Variants in ADGB observed in about 807,000 individuals in gnomAD.
The protein encoded by ADGB is calpain-7-like protein.
In ADGB, 172 loss-of-function variants were observed where a neutral mutation model predicts 210.5. That is an observed-to-expected ratio of 0.82 (90% CI 0.72 to 0.93). The LOEUF (loss-of-function observed/expected upper bound fraction) is 0.93, where lower values mean the gene tolerates loss of function less well. Ranked by LOEUF, ADGB falls within the 40% of genes least tolerant of loss-of-function variation. ADGB has a pLI of 0.00. For synonymous variants in ADGB, 658 were observed against 662.7 expected, an observed-to-expected ratio of 0.99 and a Z score of 0.11; for missense variants, 2,025 against 1,964.8, an observed-to-expected ratio of 1.03 and a Z score of -0.58.
chr6:146,640,441 T>C (rs1775490298), intron 2 of ADGB, among the ~76,000 whole-genome samples: 1 of 151,946 alleles, frequency 6.6e-6, no homozygotes, highest in Non-Finnish European at 1.5e-5. Context: ...TAACAAAACC[T>C]GGCAGAGACA....
chr6:146,605,869 G>A (rs771647168), intron 1 of ADGB, among the ~76,000 whole-genome samples: 2 of 152,138 alleles, frequency 1.3e-5, no homozygotes, highest in Non-Finnish European at 2.9e-5. Flanking sequence ...ATTGTGAATA[G>A]TGCTACAATG....
Position 146,752,636 on chromosome 6 carries a change from G to A in ADGB, c.3472G>A (p.Val1158Met), listed in dbSNP as rs1777341154. The stretch of plus-strand genomic sequence containing the variant: ...GGTCCTAGAAAATGAAGAAACTATG[G>A]TGAGCTCCACTGGAAAAGGCCAAGC... ...LQVLENEETM[V>M]SSTGKGQAII... The change falls in exon 27 of 36, where the codon GTG becomes ATG. Residue 1158 changes from valine to methionine, a missense_variant. Transcript: ENST00000397944. 11 of 1,550,820 alleles carry A rather than the reference G, an allele frequency of 7.1e-6. No homozygotes were observed. Among genetic ancestry groups the A allele is most frequent in the Non-Finnish European group, 8.7e-6 (10 of 1,146,498 alleles).
chr6:146,764,177 T>G (rs1019882521), intron 28 of ADGB, 77 bp downstream of exon 28: 2 of 1,303,038 alleles, frequency 1.5e-6, no homozygotes, highest in Non-Finnish European at 2.1e-6. Flanking sequence ...TCCCTAAAAA[T>G]AGTCAATATA....
chr6:146,607,400 G>C (rs1274516097), intron 1 of ADGB, among the ~76,000 whole-genome samples: 1 of 152,120 alleles, frequency 6.6e-6, no homozygotes, highest in East Asian at 1.9e-4. Context: ...TTTCTTGCCT[G>C]ATTGCTCTGG....
At chr6:146,663,176 ATATATT>A (rs1775889373) in intron 5 of ADGB, among the ~76,000 whole-genome samples, 5 of 141,236 alleles carry the variant, frequency 3.5e-5, no homozygotes, top group African/African-American at 1.3e-4. Context: ...ATTATATATT[ATATATT>A]ATATATAATA....
chr6:146,715,143 T>C (rs966742759), intron 13 of ADGB, among the ~76,000 whole-genome samples: 2 of 152,236 alleles, frequency 1.3e-5, no homozygotes, highest in Admixed American at 1.3e-4. Flanking sequence ...ATTTAGTAAA[T>C]TAACATATTC....
At chr6:146,715,170 A>T (rs550248514) in intron 13 of ADGB, among the ~76,000 whole-genome samples, 1 of 152,342 alleles carries the variant, frequency 6.6e-6, no homozygotes, top group South Asian at 2.1e-4. Context: ...TTAATGTGAC[A>T]AGCTTAAATA....
chr6:146,726,945 C>A (rs768037799), intron 19 of ADGB, among the ~76,000 whole-genome samples: 38 of 151,970 alleles, frequency 2.5e-4, no homozygotes, highest in Non-Finnish European at 1.3e-4. Flanking sequence ...AAGGTTCTGT[C>A]TCTTCACCTT....
chr6:146,700,748 G>A (rs73589859), intron 12 of ADGB, among the ~76,000 whole-genome samples, 193 bp from the exon 13 acceptor site: 9,373 of 152,094 alleles, frequency 0.062, 934 homozygotes, highest in African/African-American at 0.21. Flanking sequence ...CTAATATACA[G>A]TATTTTTAGT....
intron 12 of ADGB, among the ~76,000 whole-genome samples, chr6:146,697,850 A>G (rs1364503107): frequency 6.6e-6 from 1 of 152,234 alleles, no homozygotes; most frequent in Non-Finnish European, 1.5e-5. Context: ...GACACATCAT[A>G]GTAAAGCCAA....
At chr6:146,803,312 C>T in intron 35 of ADGB, 1 of 1,607,952 alleles carries the variant, frequency 6.2e-7, no homozygotes, top group South Asian at 1.1e-5. Context: ...GGCTTTCTGT[C>T]TGTGAAGAAC....
rs549096216 is a variant in ADGB at position 146,675,431 on chromosome 6, C to T, written c.1088-882C>T. 4.0e-5 allele frequency among the ~76,000 whole-genome samples: 6 copies of T among 151,728 alleles called. No individual in the cohort carries two copies. In the East Asian group the frequency reaches 5.8e-4, roughly 15 times the overall value. On this transcript the variant is annotated intron_variant, in intron 8 of 35. Coordinates refer to ENST00000397944, the MANE Select transcript of ADGB (RefSeq NM_024694.4). ...TCAATGCTGCAGTGAGCTGAGACCT[C>T]GCCACTGCACTCCAGCCTGGGTGGC...
chr6:146,671,726 A>G (rs78392831), intron 7 of ADGB, among the ~76,000 whole-genome samples: 1,647 of 152,208 alleles, frequency 0.011, 26 homozygotes, highest in African/African-American at 0.038. Flanking sequence ...GGGAGTGTTC[A>G]AAGGAGTCTG....
chr6:146,801,767 G>A, intron 34 of ADGB, 61 bp from the exon 35 acceptor site: 1 of 1,396,908 alleles, frequency 7.2e-7, no homozygotes, highest in South Asian at 1.4e-5. Flanking sequence ...GATGTCTAAA[G>A]TGAAGCTTAT....
chr6:146,671,118 G>T (rs1776001774), intron 7 of ADGB, among the ~76,000 whole-genome samples: 1 of 152,154 alleles, frequency 6.6e-6, no homozygotes, highest in African/African-American at 2.4e-5. Flanking sequence ...ATAGGATCTA[G>T]ATAGATAGGC....
chr6:146,808,377 A>G (rs1246098248), intron 35 of ADGB, among the ~76,000 whole-genome samples: 2 of 152,148 alleles, frequency 1.3e-5, no homozygotes, highest in Admixed American at 1.3e-4. Flanking sequence ...TAGCCCACCC[A>G]AAGTGTTAGG....
At chr6:146,681,548 C>T (rs1006566418) in intron 9 of ADGB, among the ~76,000 whole-genome samples, 15 of 152,226 alleles carry the variant, frequency 9.9e-5, no homozygotes, top group African/African-American at 3.4e-4. Context: ...AGACTGCAAC[C>T]TCTTTGTTGC....
chr6:146,699,805 G>A (rs530996039), intron 12 of ADGB, among the ~76,000 whole-genome samples: 11 of 152,234 alleles, frequency 7.2e-5, no homozygotes, highest in Middle Eastern at 3.4e-3. Context: ...CTTACAATTT[G>A]AATAGTCATA....
chr6:146,765,439 G>T (rs1777557982), intron 28 of ADGB, among the ~76,000 whole-genome samples: 1 of 151,798 alleles, frequency 6.6e-6, no homozygotes, highest in South Asian at 2.1e-4. Context: ...TGGCACACAT[G>T]AGATTTTTTT....
Sources: allele counts gnomAD v4.1 joint callset (sites outside exome capture counted in the v4.1 genomes callset), GRCh38; gene constraint gnomAD v4.1.1; transcripts MANE v1.5; gene names NCBI Gene and HGNC (gene_info 2026-07-23, HGNC 2026-07-21).